The following HIGD1A variants were observed in gnomAD, a reference collection of about 807,000 sequenced individuals.
The protein encoded by HIGD1A is HIG1 hypoxia inducible domain family member 1A.
HIGD1A carries 8 observed loss-of-function variants against 11.3 expected under a neutral mutation model. The ratio of observed to expected loss-of-function variants is 0.71; its 90% CI spans 0.42 to 1.28. The LOEUF (loss-of-function observed/expected upper bound fraction) is 1.28, where lower values mean the gene tolerates loss of function less well. Ranked by LOEUF, HIGD1A falls within the 50% of genes most tolerant of loss-of-function variation. HIGD1A has a pLI of 0.01. For missense variants in HIGD1A, 107 were observed against 118.8 expected (o/e 0.90, Z 0.46); for synonymous variants, 32 against 38.4 (o/e 0.83, Z 0.62).
Position 42,785,246 on chromosome 3 carries a change from C to G in HIGD1A, c.*25G>C. On this transcript the variant is annotated 3_prime_UTR_variant, in exon 4 of 4. Transcript: ENST00000321331. Reference sequence around the variant, plus strand: ...ATCTAACTAAAGCAAGCTCCTCCAACAAGACCAAGACAGCATCTCTTCTTC... The same window carrying G: ...ATCTAACTAAAGCAAGCTCCTCCAAGAAGACCAAGACAGCATCTCTTCTTC... The G allele has an allele frequency of 6.3e-7, 1 of 1,598,688 alleles. No individual in the cohort carries two copies. Among genetic ancestry groups the G allele is most frequent in the Non-Finnish European group, 8.5e-7 (1 of 1,170,366 alleles).
intron 2 of HIGD1A, among the ~76,000 whole-genome samples, chr3:42,789,566 A>AT (rs1700394893): frequency 1.6e-4 from 6 of 37,484 alleles, no homozygotes; most frequent in South Asian, 2.0e-3. Context: ...ACATCCAAGA[A>AT]CAAAAAAAAA....
intron 1 of HIGD1A, among the ~76,000 whole-genome samples, chr3:42,799,803 A>C (rs1381223689): frequency 6.6e-6 from 1 of 152,068 alleles, no homozygotes; most frequent in East Asian, 1.9e-4. Context: ...CTCAGTTATA[A>C]TTTTGCAATG....
chr3:42,792,805 C>T (rs1700442294), intron 2 of HIGD1A, among the ~76,000 whole-genome samples: 1 of 151,216 alleles, frequency 6.6e-6, no homozygotes, highest in Non-Finnish European at 1.5e-5. Flanking sequence ...CATGATGAAA[C>T]CCCCATCTCT....
chr3:42,792,409 C>T (rs1700431918), intron 2 of HIGD1A, among the ~76,000 whole-genome samples: 2 of 152,184 alleles, frequency 1.3e-5, no homozygotes, highest in South Asian at 4.1e-4. Context: ...CGCGGTGGCT[C>T]ACGCCTATAA....
intron 1 of HIGD1A, among the ~76,000 whole-genome samples, chr3:42,800,223 G>A (rs1559678727): frequency 6.6e-6 from 1 of 152,032 alleles, no homozygotes; most frequent in South Asian, 2.1e-4. Context: ...CAGCTACTTG[G>A]GAAGCTGAGG....
In HIGD1A at chr3:42,804,206, C is replaced by T. The variant is rs748221355; in HGVS notation, c.-23+230G>A. ...TTCTGCTCCATCTCCTCGCTGGCTC[C>T]GTCTCCCCTCACCCGAAGGACCCTA... On this transcript the variant is annotated intron_variant, in intron 1 of 3. Coordinates refer to ENST00000321331, the MANE Select transcript of HIGD1A (RefSeq NM_014056.4). 41 of 1,609,864 alleles carry T rather than the reference C, an allele frequency of 2.5e-5. No individual in the cohort carries two copies. The Admixed American group carries it at 6.5e-4, about 26-fold the overall frequency.
intron 1 of HIGD1A, among the ~76,000 whole-genome samples, chr3:42,803,832 C>G (rs920058440): frequency 6.6e-6 from 1 of 152,228 alleles, no homozygotes; most frequent in African/African-American, 2.4e-5. Context: ...AGAAGCACTA[C>G]ACAGGACCCT....
At chr3:42,787,382 A>C (rs1700364095) in intron 2 of HIGD1A, among the ~76,000 whole-genome samples, 1 of 151,738 alleles carries the variant, frequency 6.6e-6, no homozygotes, top group Admixed American at 6.6e-5. Flanking sequence ...ATCACCTGAG[A>C]TCAGGGGTTT....
rs1241449767 is a variant in HIGD1A at position 42,789,452 on chromosome 3, G to T, written c.98-3290C>A. ...AGGCTGAGGTAGGAGGATTGCTTGA[G>T]GCCAAGGGTTTGAGACCAGCATGGG... On this transcript the variant is annotated intron_variant, in intron 2 of 3. Transcript: ENST00000321331. Among the ~76,000 whole-genome samples, 4 of 150,492 alleles carry T rather than the reference G, an allele frequency of 2.7e-5. No homozygotes were observed. The East Asian group carries it at 7.8e-4, about 29-fold the overall frequency.
intron 2 of HIGD1A, among the ~76,000 whole-genome samples, chr3:42,786,406 C>T (rs1390358826): frequency 3.9e-5 from 6 of 152,244 alleles, no homozygotes; most frequent in Admixed American, 3.3e-4. Context: ...AGTAGATAAA[C>T]TCCTTTAAAA....
intron 2 of HIGD1A, among the ~76,000 whole-genome samples, chr3:42,793,763 G>C (rs1700457911): frequency 6.6e-6 from 1 of 152,194 alleles, no homozygotes; most frequent in Non-Finnish European, 1.5e-5. Context: ...TTGAGCCCAG[G>C]AGTTCAAGAC....
At chr3:42,789,758 G>T (rs1700397587) in intron 2 of HIGD1A, among the ~76,000 whole-genome samples, 1 of 151,950 alleles carries the variant, frequency 6.6e-6, no homozygotes, top group Non-Finnish European at 1.5e-5. Context: ...ACAGGGTCTT[G>T]CTCTGTCACC....
At chr3:42,788,624 G>A (rs1249134046) in intron 2 of HIGD1A, among the ~76,000 whole-genome samples, 2 of 152,134 alleles carry the variant, frequency 1.3e-5, no homozygotes, top group African/African-American at 4.8e-5. Flanking sequence ...GCTCACACCT[G>A]TAATCCAAGC....
At chr3:42,788,384 T>C (rs568065517) in intron 2 of HIGD1A, among the ~76,000 whole-genome samples, 31 of 152,224 alleles carry the variant, frequency 2.0e-4, no homozygotes, top group African/African-American at 7.2e-4. Context: ...CCAATAACCA[T>C]AGAAAGAATT....
intron 3 of HIGD1A, among the ~76,000 whole-genome samples, 183 bp from the exon 4 acceptor site, chr3:42,785,503 T>A (rs947012805): frequency 2.0e-5 from 3 of 152,230 alleles, no homozygotes; most frequent in Non-Finnish European, 4.4e-5. Context: ...AAAACTCTTG[T>A]TACATACAGT....
At position 42,787,594 on chromosome 3, in the gene HIGD1A, A is replaced by AAAAAAAAAT. The variant is rs1383516264; in HGVS notation, c.98-1433_98-1432insATTTTTTTT. Among the ~76,000 whole-genome samples, 167 of 141,226 alleles carry AAAAAAAAAT rather than the reference A, an allele frequency of 1.2e-3. 2 individuals carry two copies. The highest frequency in any genetic ancestry group is 6.1e-3 in the East Asian group (29 of 4,726). 92.6% of individuals were successfully genotyped at this position (141,226 alleles called of 152,430 possible). A position where few individuals can be genotyped will look rare whatever the true frequency, so the allele number is the denominator to read the frequency against. On this transcript the variant is annotated intron_variant, in intron 2 of 3. Coordinates refer to ENST00000321331, the MANE Select transcript of HIGD1A (RefSeq NM_014056.4). ...CGACAGAGCGAGACTCCATCTCAAAAATATATATATATATATATATATATA... is the reference window on the plus strand; with the variant it reads ...CGACAGAGCGAGACTCCATCTCAAAAAAAAAAAATATATATATATATATATATATATATA...
chr3:42,794,086 G>A, intron 2 of HIGD1A, 71 bp downstream of exon 2: 1 of 1,422,090 alleles, frequency 7.0e-7, no homozygotes, highest in Non-Finnish European at 9.5e-7. Flanking sequence ...ATTCTTTCAG[G>A]ATATTGCTAA....
At chr3:42,799,480 T>A (rs923773868) in intron 1 of HIGD1A, among the ~76,000 whole-genome samples, 1 of 152,220 alleles carries the variant, frequency 6.6e-6, no homozygotes, top group Admixed American at 6.5e-5. Context: ...TTTTGTTTTA[T>A]GAGACAGGGT....
In HIGD1A at chr3:42,783,555, C is replaced by T. The variant is rs1349174360; in HGVS notation, c.*1716G>A. Among the ~76,000 whole-genome samples, 2 of 152,040 alleles carry T rather than the reference C, an allele frequency of 1.3e-5. No individual in the cohort carries two copies. Among genetic ancestry groups the T allele is most frequent in the Non-Finnish European group, 2.9e-5 (2 of 68,022 alleles). ...GCACGAAGCTAGGAGGTGGAGGGTG[C>T]CGTGAGCTCAGATCACACCACTGTA... On this transcript the variant is annotated 3_prime_UTR_variant, in exon 4 of 4. Coordinates refer to ENST00000321331, the MANE Select transcript of HIGD1A (RefSeq NM_014056.4).
Sources: allele counts gnomAD v4.1 joint callset (sites outside exome capture counted in the v4.1 genomes callset), GRCh38; gene constraint gnomAD v4.1.1; transcripts MANE v1.5; gene names NCBI Gene and HGNC (gene_info 2026-07-23, HGNC 2026-07-21).